The following ZNF469 variants were observed in gnomAD, a reference collection of about 807,000 sequenced individuals.
The protein encoded by ZNF469 is zinc finger protein 469.
ZNF469 carries 1 observed loss-of-function variant against 1.0 expected under a neutral mutation model. That is an observed-to-expected ratio of 1.00 (90% CI 0.35 to 4.73). The LOEUF is 4.73. Among genes scored for constraint, ZNF469 ranks in the 30% most tolerant of loss-of-function variants. The pLI is 0.16. For missense variants in ZNF469, 6,100 were observed against 5,356.3 expected (o/e 1.14, Z -4.33); for synonymous variants, 2,703 against 2,363.4 (o/e 1.14, Z -4.17).
the ZNF469 span, among the ~76,000 whole-genome samples, chr16:88,331,450 CACCACCATCATCACT>C: frequency 2.0e-5 from 3 of 151,520 alleles, no homozygotes; most frequent in African/African-American, 4.9e-5. Flanking sequence ...CCATCATAAT[CACCACCATCATCACT>C]ACCACCATCA....
At chr16:88,204,862 G>T in the ZNF469 span, among the ~76,000 whole-genome samples, 2 of 152,322 alleles carry the variant, frequency 1.3e-5, no homozygotes, top group South Asian at 4.1e-4. Flanking sequence ...TGGAAAAGGG[G>T]GTGATTGCTC....
At position 88,438,124 on chromosome 16, in the gene ZNF469, C is replaced by G; in HGVS notation, c.10654C>G (p.Pro3552Ala). 6 of 1,550,400 alleles carry G rather than the reference C, an allele frequency of 3.9e-6. No homozygotes were observed. The highest frequency in any genetic ancestry group is 4.4e-6 in the Non-Finnish European group (5 of 1,146,964). Residue 3552 changes from proline (P) to alanine (A), a missense_variant, in exon 3 of 3, where the codon CCG becomes GCG. Transcript: ENST00000565624. ...GCCATCCAACCACCAGGAGTGTCCC[C>G]CGCCGTCTCTGTCTCCCTTCCCAGC... ...ELPSNHQECP[P>A]PSLSPFPAAL...
At chr16:88,178,310 C>G in the ZNF469 span, 4 of 152,318 alleles carry the variant, frequency 2.6e-5, no homozygotes, top group East Asian at 7.8e-4. Flanking sequence ...GGGGGTGCTC[C>G]CTGACGACCG....
At chr16:88,200,420 C>T in the ZNF469 span, among the ~76,000 whole-genome samples, 4 of 152,230 alleles carry the variant, frequency 2.6e-5, no homozygotes, top group African/African-American at 9.6e-5. Context: ...ACCGAGGAAC[C>T]GCAGAAGGGA....
At chr16:88,195,609 A>G in the ZNF469 span, among the ~76,000 whole-genome samples, 6 of 152,226 alleles carry the variant, frequency 3.9e-5, no homozygotes, top group African/African-American at 1.2e-4. Flanking sequence ...TCATATCGTC[A>G]GACTCAGCAT....
the ZNF469 span, among the ~76,000 whole-genome samples, chr16:88,325,509 C>T: frequency 1.4e-4 from 22 of 152,378 alleles, no homozygotes; most frequent in Admixed American, 9.1e-4. Flanking sequence ...GTGGCCCCAC[C>T]ACTGCAGCCA....
chr16:88,332,462 A>G, the ZNF469 span, among the ~76,000 whole-genome samples: 1 of 152,220 alleles, frequency 6.6e-6, no homozygotes, highest in African/African-American at 2.4e-5. Context: ...GCTTGGGCAC[A>G]GCCTTGCCGC....
chr16:88,415,877 T>A (rs4782354), intron 1 of ZNF469, among the ~76,000 whole-genome samples: 1 of 152,226 alleles, frequency 6.6e-6, no homozygotes, highest in African/African-American at 2.4e-5. Flanking sequence ...GTGCTCATAG[T>A]GTCCTTCCTC....
At chr16:88,415,827 T>G (rs1482579839) in intron 1 of ZNF469, among the ~76,000 whole-genome samples, 1 of 152,168 alleles carries the variant, frequency 6.6e-6, no homozygotes, top group Admixed American at 6.5e-5. Flanking sequence ...GCATGATCAT[T>G]GGACCGATTG....
At chr16:88,300,702 G>A in the ZNF469 span, among the ~76,000 whole-genome samples, 1 of 152,072 alleles carries the variant, frequency 6.6e-6, no homozygotes, top group Non-Finnish European at 1.5e-5. Flanking sequence ...CCCAGCCCCT[G>A]GGGAGCTCCA....
At chr16:88,354,505 G>T in the ZNF469 span, among the ~76,000 whole-genome samples, 2 of 152,150 alleles carry the variant, frequency 1.3e-5, no homozygotes, top group African/African-American at 2.4e-5. Context: ...GACCTGGGGT[G>T]AGCCACAGGA....
the ZNF469 span, among the ~76,000 whole-genome samples, chr16:88,296,456 T>TC: frequency 0.037 from 5,130 of 136,904 alleles, 222 homozygotes; most frequent in East Asian, 0.16. Context: ...ATGCTCACCC[T>TC]CCCCCCCACA....
chr16:88,397,057 GGAGACCCTTCTGAAGGGAGGCCAGGCA>G (rs1273292436), intron 1 of ZNF469, among the ~76,000 whole-genome samples: 8 of 151,770 alleles, frequency 5.3e-5, no homozygotes, highest in African/African-American at 1.5e-4. Context: ...CAGGCCGGGA[GGAGACCCTTCTGAAGGGAGGCCAGGCA>G]GAGACCCTGC....
In ZNF469 at chr16:88,437,255, C is replaced by T. The variant is rs1309673757; in HGVS notation, c.9785C>T (p.Ala3262Val). Residue 3262 changes from alanine (A) to valine (V), a missense_variant, in exon 3 of 3, where the codon GCC (alanine) becomes GTC (valine). By Grantham distance (64) the Ala-to-Val change is moderately conservative. Coordinates refer to ENST00000565624, the MANE Select transcript of ZNF469 (RefSeq NM_001367624.2). ...GACCCGTGGGGGCAAGAGGGAGAAGCCAAGAAAGACAGCCCGGGCGAGAGG... is the reference window on the plus strand; with the variant it reads ...GACCCGTGGGGGCAAGAGGGAGAAGTCAAGAAAGACAGCCCGGGCGAGAGG... The part of the protein sequence containing the change: ...PGDPWGQEGE[A>V]KKDSPGERAK... 10 of 1,548,754 alleles carry T rather than the reference C, an allele frequency of 6.5e-6. No individual in the cohort carries two copies. The East Asian group carries it at 1.5e-4, about 23-fold the overall frequency.
At position 88,435,583 on chromosome 16, in the gene ZNF469, G is replaced by A; in HGVS notation, c.8113G>A (p.Gly2705Ser). ...CACTCTGGGACCTGGGGTGATGGAG[G>A]GTGCAGCGGAGACTGACCAGGAGGC... ...LATLGPGVME[G>S]AAETDQEALC... Residue 2705 changes from glycine to serine, a missense_variant, in exon 3 of 3, where the codon GGT (glycine) becomes AGT (serine). By Grantham distance (56) the Gly-to-Ser change is moderately conservative. Coordinates refer to ENST00000565624, the MANE Select transcript of ZNF469 (RefSeq NM_001367624.2). 6.5e-7 allele frequency: 1 copy of A among 1,550,106 alleles called. No homozygotes were observed. Among genetic ancestry groups the A allele is most frequent in the Non-Finnish European group, 8.7e-7 (1 of 1,146,976 alleles).
the ZNF469 span, among the ~76,000 whole-genome samples, chr16:88,150,682 A>C: frequency 4.3e-4 from 60 of 138,566 alleles, no homozygotes; most frequent in African/African-American, 1.2e-3. Context: ...TGCCATGAAC[A>C]GGAAGCACCA....
At chr16:88,304,105 T>C in the ZNF469 span, among the ~76,000 whole-genome samples, 1 of 152,180 alleles carries the variant, frequency 6.6e-6, no homozygotes, top group South Asian at 2.1e-4. Flanking sequence ...GAGGAGGACT[T>C]GCTGGCCTTT....
At chr16:88,144,456 C>T in the ZNF469 span, among the ~76,000 whole-genome samples, 133,429 of 152,208 alleles carry the variant, frequency 0.88, 60,064 homozygotes, top group Non-Finnish European at 0.98. Context: ...GTGGAGAGGA[C>T]GGAGGACATC....
the ZNF469 span, among the ~76,000 whole-genome samples, chr16:88,338,206 G>C: frequency 2.6e-5 from 4 of 152,204 alleles, no homozygotes; most frequent in African/African-American, 9.6e-5. Flanking sequence ...CAATCGCCTG[G>C]GGAGAGACCC....
Sources: gnomAD v4.1 joint callset for allele counts (sites outside exome capture counted in the v4.1 genomes callset) on GRCh38, gnomAD v4.1.1 for gene constraint, MANE v1.5 for transcripts, NCBI Gene and HGNC (gene_info 2026-07-23, HGNC 2026-07-21) for gene names.